PARVA: variants seen among roughly 807,000 people sequenced by gnomAD.
PARVA encodes parvin alpha.
PARVA carries 25 observed loss-of-function variants against 52.6 expected under a neutral mutation model. The ratio of observed to expected loss-of-function variants is 0.48; its 90% CI spans 0.35 to 0.66. The LOEUF is 0.66. PARVA is among the 30% of genes least tolerant of loss of function. The probability of loss-of-function intolerance (pLI) is 0.01; values close to 1 mark genes in which losing one functional copy is unlikely to be tolerated. For synonymous variants in PARVA, 185 were observed against 179.1 expected, an observed-to-expected ratio of 1.03 and a Z score of -0.26; for missense variants, 373 against 450.9, an observed-to-expected ratio of 0.83 and a Z score of 1.56.
intron 1 of PARVA, among the ~76,000 whole-genome samples, chr11:12,445,080 G>A (rs972565642): frequency 6.6e-6 from 1 of 152,156 alleles, no homozygotes; most frequent in African/African-American, 2.4e-5. Context: ...GGGGTCTGGG[G>A]AAAACTAACT....
chr11:12,377,507 G>C, upstream of PARVA: 1 of 1,429,716 alleles, frequency 7.0e-7, no homozygotes, highest in Non-Finnish European at 9.3e-7. Flanking sequence ...GGAAGGGAAA[G>C]GCGAGCGTGA....
intron 1 of PARVA, among the ~76,000 whole-genome samples, chr11:12,451,209 G>T (rs538828349): frequency 1.3e-5 from 2 of 152,280 alleles, no homozygotes; most frequent in South Asian, 4.2e-4. Context: ...ACTATACAGG[G>T]TCCCCAAACT....
At position 12,529,937 on chromosome 11, in the gene PARVA, T is replaced by C. The variant is rs1052787960; in HGVS notation, c.*2012T>C. 1.3e-5 allele frequency: 2 copies of C among 152,228 alleles called. No homozygotes were observed. The highest frequency in any genetic ancestry group is 2.9e-5 in the Non-Finnish European group (2 of 68,040). The allele number at this position is 152,228 out of a possible 1,614,324, so 9.4% of individuals were successfully genotyped here. ...TTTCTTTTGCTTTTAAAAAAATTCC[T>C]GGTAGCAAATCAAGATAAATAATTG... On this transcript the variant is annotated 3_prime_UTR_variant, in exon 13 of 13. Coordinates refer to ENST00000334956, the MANE Select transcript of PARVA (RefSeq NM_018222.5).
rs559157045 is a variant in PARVA at position 12,483,348 on chromosome 11, G to A, written c.400+5399G>A. ...CTTATATAGAAGGTGACCTTAAAAC[G>A]TACAAATAACTGAGTAGGGCACGTA... On this transcript the variant is annotated intron_variant, in intron 4 of 12. Coordinates refer to ENST00000334956, the MANE Select transcript of PARVA (RefSeq NM_018222.5). Among the ~76,000 whole-genome samples, 7 of 152,278 alleles carry A rather than the reference G, an allele frequency of 4.6e-5. No homozygotes were observed. The East Asian group carries it at 9.7e-4, about 21-fold the overall frequency.
intron 5 of PARVA, among the ~76,000 whole-genome samples, chr11:12,498,742 C>G (rs1941330336): frequency 6.6e-6 from 1 of 151,778 alleles, no homozygotes; most frequent in Non-Finnish European, 1.5e-5. Context: ...GCCCACCTAA[C>G]TTTCGTATTT....
chr11:12,457,799 T>TATGCACATAG (rs11267135), intron 1 of PARVA, among the ~76,000 whole-genome samples: 9 of 151,976 alleles, frequency 5.9e-5, no homozygotes, highest in African/African-American at 1.9e-4. Flanking sequence ...GTCCTTCAGA[T>TATGCACATAG]ATGCACAATT....
In PARVA at chr11:12,532,088, T is replaced by G. The variant is rs1941778861; in HGVS notation, c.*4163T>G. Among the ~76,000 whole-genome samples, 1 of 152,198 alleles carries G rather than the reference T, an allele frequency of 6.6e-6. No individual in the cohort carries two copies. Among genetic ancestry groups the G allele is most frequent in the Non-Finnish European group, 1.5e-5 (1 of 68,048 alleles). The stretch of plus-strand genomic sequence containing the variant: ...GCTTTACTACAGTGGTGGTCGCATA[T>G]GTGAACGTGTGCATGCGTGTTCACG... On this transcript the variant is annotated 3_prime_UTR_variant, in exon 13 of 13. Transcript: ENST00000334956.
intron 1 of PARVA, among the ~76,000 whole-genome samples, chr11:12,446,433 G>T (rs907258780): frequency 7.2e-5 from 11 of 152,116 alleles, no homozygotes; most frequent in Admixed American, 7.2e-4. Context: ...AGAACAGTGT[G>T]ATGATATGCA....
At chr11:12,516,729 C>T (rs920281112) in intron 10 of PARVA, among the ~76,000 whole-genome samples, 10 of 152,192 alleles carry the variant, frequency 6.6e-5, no homozygotes, top group Admixed American at 2.0e-4. Context: ...ATGCTACATG[C>T]CTAGCAGTTT....
At chr11:12,397,819 CTT>C (rs569053771) in intron 1 of PARVA, among the ~76,000 whole-genome samples, 43 of 136,134 alleles carry the variant, frequency 3.2e-4, no homozygotes, top group African/African-American at 1.0e-3. Context: ...GGGGGAAGGT[CTT>C]TTTTTTTTTT....
chr11:12,503,492 T>C (rs986160073), intron 5 of PARVA, among the ~76,000 whole-genome samples: 3 of 151,912 alleles, frequency 2.0e-5, no homozygotes, highest in African/African-American at 7.3e-5. Flanking sequence ...AGGATCCTCA[T>C]GGGAACCTGG....
chr11:12,508,944 A>G (rs578022427), intron 7 of PARVA, among the ~76,000 whole-genome samples: 2 of 152,308 alleles, frequency 1.3e-5, no homozygotes, highest in South Asian at 4.1e-4. Context: ...TCGTCATGCC[A>G]TAAACACTGG....
rs545315899 is a variant in PARVA at position 12,437,555 on chromosome 11, C to G, written c.137-36190C>G. ...CTCTTCATCTCTATATCCACTTTGT[C>G]TTGCACATCTTAGGTGCTCAGTGAA... is the stretch of plus-strand genomic sequence containing the variant. On this transcript the variant is annotated intron_variant, in intron 1 of 12. Coordinates refer to ENST00000334956, the MANE Select transcript of PARVA (RefSeq NM_018222.5). Among the ~76,000 whole-genome samples, 7 of 152,322 alleles carry G rather than the reference C, an allele frequency of 4.6e-5. No individual in the cohort carries two copies. In the South Asian group the frequency reaches 1.5e-3, roughly 32 times the overall value.
chr11:12,519,514 A>T (rs1462624546), intron 12 of PARVA, among the ~76,000 whole-genome samples: 1 of 152,160 alleles, frequency 6.6e-6, no homozygotes, highest in Admixed American at 6.5e-5. Flanking sequence ...GTTACGAAAG[A>T]GGTACAAGGA....
intron 4 of PARVA, among the ~76,000 whole-genome samples, chr11:12,489,658 A>G (rs530054287): frequency 6.6e-6 from 1 of 152,086 alleles, no homozygotes; most frequent in East Asian, 1.9e-4. Flanking sequence ...AAATAGTATA[A>G]GTAGTGACAA....
intron 1 of PARVA, among the ~76,000 whole-genome samples, chr11:12,428,689 C>T (rs1444337527): frequency 6.6e-6 from 1 of 152,114 alleles, no homozygotes; most frequent in Non-Finnish European, 1.5e-5. Context: ...GTGCAGAGGT[C>T]GAGATGGTAA....
intron 1 of PARVA, among the ~76,000 whole-genome samples, chr11:12,463,634 T>C (rs1319274858): frequency 6.6e-6 from 1 of 152,182 alleles, no homozygotes; most frequent in Non-Finnish European, 1.5e-5. Context: ...GCCTAACTTT[T>C]TTCCTCCTTC....
At chr11:12,527,771 G>T in intron 12 of PARVA, 78 bp from the exon 13 acceptor site, 1 of 1,078,432 alleles carries the variant, frequency 9.3e-7, no homozygotes, top group Middle Eastern at 2.1e-4. Flanking sequence ...GTGGTGGGTG[G>T]AAGGGAGGGG....
At chr11:12,467,194 T>C (rs940863934) in intron 1 of PARVA, among the ~76,000 whole-genome samples, 3 of 152,224 alleles carry the variant, frequency 2.0e-5, no homozygotes, top group Admixed American at 6.5e-5. Context: ...TAGGAAGCAA[T>C]TGATTTTTGT....
Sources: allele counts gnomAD v4.1 joint callset (sites outside exome capture counted in the v4.1 genomes callset), GRCh38; gene constraint gnomAD v4.1.1; transcripts MANE v1.5; gene names NCBI Gene and HGNC (gene_info 2026-07-23, HGNC 2026-07-21).